CDH20: variants seen among roughly 807,000 people sequenced by gnomAD.
The protein encoded by CDH20 is cadherin-20.
CDH20 carries 29 observed loss-of-function variants against 74.2 expected under a neutral mutation model. That is an observed-to-expected ratio of 0.39 (90% confidence interval 0.29 to 0.53). The LOEUF is 0.53. Ranked by LOEUF, CDH20 falls within the 20% of genes least tolerant of loss-of-function variation. The pLI is 0.69. For synonymous variants in CDH20, 469 were observed against 405.4 expected, an observed-to-expected ratio of 1.16 and a Z score of -1.88; for missense variants, 988 against 1,048.3, an observed-to-expected ratio of 0.94 and a Z score of 0.79.
chr18:61,505,046 C>T (rs1388964850), intron 5 of CDH20, among the ~76,000 whole-genome samples: 1 of 152,140 alleles, frequency 6.6e-6, no homozygotes, highest in Admixed American at 6.6e-5. Flanking sequence ...TGGGTTCCAT[C>T]TTCATTACTT....
rs963070970 is a variant in CDH20, at chr18:61,555,153, C to T, written c.*458C>T. 1 of 993,250 alleles carries T rather than the reference C, an allele frequency of 1.0e-6. No homozygotes were observed. The highest frequency in any genetic ancestry group is 1.2e-6 in the Non-Finnish European group (1 of 835,060). The allele number at this position is 993,250 out of a possible 1,614,324, so 61.5% of individuals were successfully genotyped here. ...GTTTTGCTGGCTCAAACCACAGAAA[C>T]CAACCCACAAGAAAGAACAAAAAAC... is the stretch of plus-strand genomic sequence containing the variant. On this transcript the variant is annotated 3_prime_UTR_variant, in exon 12 of 12. Transcript: ENST00000262717.
At chr18:61,447,721 G>A (rs977561256) in intron 1 of CDH20, among the ~76,000 whole-genome samples, 2 of 152,136 alleles carry the variant, frequency 1.3e-5, no homozygotes, top group African/African-American at 4.8e-5. Flanking sequence ...ATTCTCCTTG[G>A]GGAGAGTTTA....
chr18:61,555,171 C>T lies in CDH20; in HGVS notation c.*476C>T. 2 of 986,644 alleles carry T rather than the reference C, an allele frequency of 2.0e-6. No homozygotes were observed. The highest frequency in any genetic ancestry group is 2.4e-6 in the Non-Finnish European group (2 of 832,532). The allele number at this position is 986,644 out of a possible 1,614,324, so 61.1% of individuals were successfully genotyped here. ...ACAGAAACCAACCCACAAGAAAGAA[C>T]AAAAAACTTGTTACTCAGTGAAATT... On this transcript the variant is annotated 3_prime_UTR_variant, in exon 12 of 12. Coordinates refer to ENST00000262717, the MANE Select transcript of CDH20 (RefSeq NM_031891.4).
At chr18:61,334,283 G>A (rs1486238554) in intron 1 of CDH20, 1 of 152,166 alleles carries the variant, frequency 6.6e-6, no homozygotes, top group Non-Finnish European at 1.5e-5. Flanking sequence ...GATGTGCGCC[G>A]GGAAGGGGAC....
At chr18:61,514,090 C>A (rs1216058379) in intron 6 of CDH20, among the ~76,000 whole-genome samples, 2 of 152,168 alleles carry the variant, frequency 1.3e-5, no homozygotes, top group African/African-American at 2.4e-5. Flanking sequence ...TATCCTGCAG[C>A]GTGTTTTCCA....
At chr18:61,379,947 G>A (rs907385092) in intron 1 of CDH20, among the ~76,000 whole-genome samples, 2 of 152,174 alleles carry the variant, frequency 1.3e-5, no homozygotes, top group African/African-American at 4.8e-5. Context: ...CTGAACCAAG[G>A]CAATAAGCAA....
At chr18:61,522,201 G>A (rs1912234278) in intron 6 of CDH20, among the ~76,000 whole-genome samples, 1 of 152,158 alleles carries the variant, frequency 6.6e-6, no homozygotes, top group Admixed American at 6.5e-5. Context: ...TCCTTAAGCT[G>A]ATAAGCAACT....
In CDH20 at chr18:61,479,042, A is replaced by G. The variant is rs568200945; in HGVS notation, c.-152-11360A>G. 5.8e-4 allele frequency among the ~76,000 whole-genome samples: 88 copies of G among 152,202 alleles called. 1 individual carries two copies. Among genetic ancestry groups the G allele is most frequent in the African/African-American group, 2.1e-3 (87 of 41,568 alleles). On this transcript the variant is annotated intron_variant, in intron 1 of 11. Transcript: ENST00000262717. ...TGATATATCCATTCTGCTCTCAGAA[A>G]CACTTAAAGTGTGGAAAAAATAGTT...
At chr18:61,402,724 C>T (rs906288269) in intron 1 of CDH20, among the ~76,000 whole-genome samples, 2 of 152,158 alleles carry the variant, frequency 1.3e-5, no homozygotes, top group Non-Finnish European at 2.9e-5. Flanking sequence ...AACTTAACAG[C>T]TAGAGAAATT....
At chr18:61,398,783 T>C (rs1912067495) in intron 1 of CDH20, among the ~76,000 whole-genome samples, 1 of 152,126 alleles carries the variant, frequency 6.6e-6, no homozygotes, top group Non-Finnish European at 1.5e-5. Context: ...CATGGCCCAG[T>C]CACAAAGAAG....
chr18:61,493,201 G>T (rs1911020154), intron 2 of CDH20, among the ~76,000 whole-genome samples: 2 of 151,876 alleles, frequency 1.3e-5, no homozygotes, highest in Admixed American at 1.3e-4. Flanking sequence ...CGTGCAATCG[G>T]TCCCCATATC....
intron 1 of CDH20, among the ~76,000 whole-genome samples, chr18:61,444,977 G>A (rs1959406174): frequency 6.6e-6 from 1 of 151,946 alleles, no homozygotes; most frequent in African/African-American, 2.4e-5. Flanking sequence ...TCTTTATTCT[G>A]CTCTCATCAT....
At chr18:61,369,187 C>A (rs1022062405) in intron 1 of CDH20, among the ~76,000 whole-genome samples, 2 of 152,024 alleles carry the variant, frequency 1.3e-5, no homozygotes, top group Non-Finnish European at 2.9e-5. Context: ...AGAAGGAAGA[C>A]TTACAAATGT....
intron 1 of CDH20, among the ~76,000 whole-genome samples, chr18:61,349,827 G>A (rs1300113794): frequency 6.6e-6 from 1 of 151,682 alleles, no homozygotes; most frequent in Admixed American, 6.6e-5. Flanking sequence ...ATCTCACGCT[G>A]CAGGTTGTCA....
chr18:61,344,421 T>C (rs1315075226), intron 1 of CDH20, among the ~76,000 whole-genome samples: 1 of 152,298 alleles, frequency 6.6e-6, no homozygotes, highest in Middle Eastern at 3.4e-3. Flanking sequence ...TCCAAAATTA[T>C]GAAGCCTGTT....
chr18:61,454,733 T>C (rs1447201675), intron 1 of CDH20, among the ~76,000 whole-genome samples: 1 of 149,266 alleles, frequency 6.7e-6, no homozygotes, highest in Non-Finnish European at 1.5e-5. Flanking sequence ...CCAATCATCT[T>C]ATATATAGTT....
intron 5 of CDH20, 137 bp from the exon 6 acceptor site, chr18:61,507,236 T>TA (rs1911599130): frequency 2.3e-5 from 17 of 754,038 alleles, no homozygotes; most frequent in Middle Eastern, 2.4e-4. Flanking sequence ...CCTTAGTTTT[T>TA]ATCTGTAAAA....
At chr18:61,364,708 A>T (rs1910805149) in intron 1 of CDH20, among the ~76,000 whole-genome samples, 2 of 152,164 alleles carry the variant, frequency 1.3e-5, no homozygotes, top group African/African-American at 4.8e-5. Flanking sequence ...ATCTCTGCGC[A>T]TGTCAGCTCT....
intron 1 of CDH20, among the ~76,000 whole-genome samples, chr18:61,357,663 A>G (rs1680436207): frequency 6.6e-6 from 1 of 152,196 alleles, no homozygotes; most frequent in South Asian, 2.1e-4. Context: ...TTGTTTTCCT[A>G]GAATAACCAA....
Sources: gnomAD v4.1 joint callset for allele counts (sites outside exome capture counted in the v4.1 genomes callset) on GRCh38, gnomAD v4.1.1 for gene constraint, MANE v1.5 for transcripts, NCBI Gene and HGNC (gene_info 2026-07-23, HGNC 2026-07-21) for gene names.